Variants in PTPN11 observed in about 807,000 individuals in gnomAD.
PTPN11 encodes the protein tyrosine-protein phosphatase non-receptor type 11.
Under a neutral mutation model 78.8 loss-of-function variants are expected in PTPN11, and 6 were observed. That is an observed-to-expected ratio of 0.08 (90% CI 0.04 to 0.15). The LOEUF is 0.15. PTPN11 is among the 10% of genes least tolerant of loss of function. The pLI is 1.00. For missense variants in PTPN11, 386 were observed against 744.8 expected, an observed-to-expected ratio of 0.52 and a Z score of 5.61; for synonymous variants, 221 against 263.5, an observed-to-expected ratio of 0.84 and a Z score of 1.56.
intron 2 of PTPN11, among the ~76,000 whole-genome samples, chr12:112,448,510 C>A (rs891992143): frequency 6.6e-6 from 1 of 152,116 alleles, no homozygotes; most frequent in Non-Finnish European, 1.5e-5. Context: ...AGCCACCATG[C>A]CTGGCCCTAT....
chr12:112,497,151 G>A (rs560687796), intron 13 of PTPN11, among the ~76,000 whole-genome samples: 8 of 141,762 alleles, frequency 5.6e-5, no homozygotes, highest in East Asian at 2.1e-4. Flanking sequence ...CAGTCTGGGC[G>A]ACAGAGCGAG....
chr12:112,480,721 C>G (rs2038583554), intron 9 of PTPN11, among the ~76,000 whole-genome samples: 1 of 152,004 alleles, frequency 6.6e-6, no homozygotes, highest in Non-Finnish European at 1.5e-5. Context: ...TTCAATTAAT[C>G]ATTGACTCAT....
chr12:112,440,317 A>T (rs984934376), intron 1 of PTPN11, among the ~76,000 whole-genome samples: 1 of 152,102 alleles, frequency 6.6e-6, no homozygotes. Context: ...TCTGTCGCCC[A>T]GGCTGGAGTG....
Position 112,507,819 on chromosome 12 carries a change from C to T in PTPN11, c.*2027C>T, listed in dbSNP as rs2038953303. On this transcript the variant is annotated 3_prime_UTR_variant, in exon 16 of 16. Transcript: ENST00000351677. Reference sequence around the variant, plus strand: ...CTCACTGACAAAATGTATATCAGCCCCCACCTCCACCCCCCAATATTCCTT... The same window carrying T: ...CTCACTGACAAAATGTATATCAGCCTCCACCTCCACCCCCCAATATTCCTT... 1 of 152,560 alleles carries T rather than the reference C, an allele frequency of 6.6e-6. No homozygotes were observed. Among genetic ancestry groups the T allele is most frequent in the African/African-American group, 2.4e-5 (1 of 41,410 alleles). 9.5% of individuals were successfully genotyped at this position (152,560 alleles called of 1,614,324 possible). A position where few individuals can be genotyped will look rare whatever the true frequency, so the allele number is the denominator to read the frequency against.
chr12:112,488,923 C>T, intron 12 of PTPN11, 101 bp from the exon 13 acceptor site: 1 of 1,493,748 alleles, frequency 6.7e-7, no homozygotes, highest in Non-Finnish European at 9.3e-7. Flanking sequence ...ACAGCAAAGA[C>T]TAAATTAGCA....
At chr12:112,445,065 ATGTGTGTG>A (rs563997620) in intron 1 of PTPN11, among the ~76,000 whole-genome samples, 1 of 151,334 alleles carries the variant, frequency 6.6e-6, no homozygotes, top group East Asian at 1.9e-4. Context: ...GTATATATAT[ATGTGTGTG>A]TGTGTGTGTA....
chr12:112,500,464 A>G (rs571018342), intron 13 of PTPN11, among the ~76,000 whole-genome samples: 1 of 152,184 alleles, frequency 6.6e-6, no homozygotes, highest in Admixed American at 6.5e-5. Flanking sequence ...AACCAAACAA[A>G]ATATTTTTGC....
rs1295460971 is a variant in PTPN11 at position 112,423,761 on chromosome 12, T to C, written c.14+4636T>C. ...ATGTCTTTTTTTTTTTTTTTTTTTT[T>C]TGAGACAGGGTCTTACCCTGTTGCC... On this transcript the variant is annotated intron_variant, in intron 1 of 15. Transcript: ENST00000351677. 2.0e-5 allele frequency among the ~76,000 whole-genome samples: 3 copies of C among 150,340 alleles called. No homozygotes were observed. In the East Asian group the frequency reaches 5.8e-4, roughly 29 times the overall value.
chr12:112,423,053 A>G (rs913049208), intron 1 of PTPN11, among the ~76,000 whole-genome samples: 4 of 152,204 alleles, frequency 2.6e-5, no homozygotes, highest in East Asian at 1.9e-4. Flanking sequence ...GACCCCAACC[A>G]AGGATTGGAG....
At chr12:112,502,312 TAAA>T in intron 14 of PTPN11, 56 bp downstream of exon 14, 1 of 1,456,848 alleles carries the variant, frequency 6.9e-7, no homozygotes, top group Non-Finnish European at 9.6e-7. Context: ...TAAAAAGGTT[TAAA>T]AAACAAAAAC....
chr12:112,505,023 C>G (rs1042771722), intron 15 of PTPN11, among the ~76,000 whole-genome samples: 12 of 152,192 alleles, frequency 7.9e-5, no homozygotes, highest in African/African-American at 2.7e-4. Flanking sequence ...GCAAGGCTAG[C>G]ACTTATTCCA....
intron 1 of PTPN11, among the ~76,000 whole-genome samples, chr12:112,432,733 A>G (rs1212105469): frequency 1.3e-5 from 2 of 151,762 alleles, no homozygotes; most frequent in African/African-American, 4.8e-5. Flanking sequence ...TAATCCCAGT[A>G]CTTTGGTAGG....
At chr12:112,449,925 C>T (rs112250652) in intron 2 of PTPN11, among the ~76,000 whole-genome samples, 2,472 of 152,046 alleles carry the variant, frequency 0.016, 71 homozygotes, top group African/African-American at 0.057. Flanking sequence ...AGTAGCTGAG[C>T]GTGGTGGCGC....
chr12:112,431,703 G>A (rs1029976874), intron 1 of PTPN11, among the ~76,000 whole-genome samples: 2 of 152,144 alleles, frequency 1.3e-5, no homozygotes, highest in African/African-American at 4.8e-5. Flanking sequence ...TTTTCTAAAC[G>A]TTTTCTTCTG....
chr12:112,495,552 T>A (rs2038804013), intron 13 of PTPN11, among the ~76,000 whole-genome samples: 1 of 152,182 alleles, frequency 6.6e-6, no homozygotes, highest in Non-Finnish European at 1.5e-5. Context: ...GATGTTAAAC[T>A]TGTCAGTTTG....
intron 6 of PTPN11, among the ~76,000 whole-genome samples, chr12:112,471,481 A>AGG (rs2038416265): frequency 6.7e-6 from 1 of 149,514 alleles, no homozygotes; most frequent in African/African-American, 2.5e-5. Context: ...AGAGAGAGAG[A>AGG]GAGAGAGAGA....
chr12:112,461,376 C>G (rs2038246097), intron 6 of PTPN11, among the ~76,000 whole-genome samples: 1 of 148,674 alleles, frequency 6.7e-6, no homozygotes, highest in African/African-American at 2.5e-5. Context: ...CTGTGTTGCT[C>G]AGGCTGGTGT....
rs1025047634 is a variant in PTPN11, at chr12:112,506,404, T to C, written c.*612T>C. 6 of 151,992 alleles carry C rather than the reference T, an allele frequency of 3.9e-5. No homozygotes were observed. Among genetic ancestry groups the C allele is most frequent in the African/African-American group, 1.4e-4 (6 of 41,426 alleles). The allele number at this position is 151,992 out of a possible 1,614,324, so 9.4% of individuals were successfully genotyped here. On this transcript the variant is annotated 3_prime_UTR_variant, in exon 16 of 16. Coordinates refer to ENST00000351677, the MANE Select transcript of PTPN11 (RefSeq NM_002834.5). The stretch of plus-strand genomic sequence containing the variant: ...TTAAAGAGTCATAGAAAAAGAATCA[T>C]GGATATTTATGAATTAAGGTAAGAG...
At chr12:112,442,603 C>T (rs2037910998) in intron 1 of PTPN11, among the ~76,000 whole-genome samples, 1 of 151,240 alleles carries the variant, frequency 6.6e-6, no homozygotes, top group African/African-American at 2.4e-5. Context: ...AGGCGCTTGC[C>T]ACCACGGCCG....
Sources: gnomAD v4.1 joint callset for allele counts (sites outside exome capture counted in the v4.1 genomes callset) on GRCh38, gnomAD v4.1.1 for gene constraint, MANE v1.5 for transcripts, NCBI Gene and HGNC (gene_info 2026-07-23, HGNC 2026-07-21) for gene names.